SMYD3: variants seen among roughly 807,000 people sequenced by gnomAD.
The protein encoded by SMYD3 is histone-lysine N-methyltransferase SMYD3.
A neutral mutation model predicts 57.7 loss-of-function variants in SMYD3; 36 were observed. That is an observed-to-expected ratio of 0.62 (90% CI 0.48 to 0.82). The LOEUF (loss-of-function observed/expected upper bound fraction) is 0.82. Among genes scored for constraint, SMYD3 ranks in the 40% least tolerant of loss-of-function variants. The pLI, the probability that SMYD3 is intolerant of heterozygous loss-of-function variation, is 0.00. For synonymous variants in SMYD3, 211 were observed against 195.0 expected (o/e 1.08, Z -0.68); for missense variants, 515 against 538.8 (o/e 0.96, Z 0.44).
intron 5 of SMYD3, among the ~76,000 whole-genome samples, chr1:246,022,822 C>T (rs1342086544): frequency 6.6e-6 from 1 of 152,216 alleles, no homozygotes; most frequent in Non-Finnish European, 1.5e-5. Flanking sequence ...AAGGCTTTCA[C>T]TTCGCACTTT....
At chr1:245,914,101 A>G (rs1270843535) in intron 8 of SMYD3, among the ~76,000 whole-genome samples, 1 of 152,216 alleles carries the variant, frequency 6.6e-6, no homozygotes, top group East Asian at 1.9e-4. Flanking sequence ...AAATTTAACC[A>G]AGGAGGTGAA....
chr1:246,299,428 G>A (rs2064854816), intron 5 of SMYD3, among the ~76,000 whole-genome samples: 1 of 152,128 alleles, frequency 6.6e-6, no homozygotes, highest in African/African-American at 2.4e-5. Context: ...GTGGAAAACA[G>A]TGTGGCGATT....
chr1:246,499,423 C>T (rs1031726608), intron 1 of SMYD3, among the ~76,000 whole-genome samples: 7 of 141,086 alleles, frequency 5.0e-5, no homozygotes, highest in African/African-American at 1.0e-4. Flanking sequence ...CACACACACA[C>T]ACATATATAT....
At chr1:245,927,574 G>A (rs977989929) in intron 7 of SMYD3, among the ~76,000 whole-genome samples, 5 of 152,130 alleles carry the variant, frequency 3.3e-5, no homozygotes, top group Admixed American at 1.3e-4. Flanking sequence ...CCCTGCCCAC[G>A]GAAGGATATG....
intron 1 of SMYD3, among the ~76,000 whole-genome samples, chr1:246,413,041 C>G (rs1309973750): frequency 6.6e-6 from 1 of 152,088 alleles, no homozygotes; most frequent in Non-Finnish European, 1.5e-5. Flanking sequence ...GTATAGACAC[C>G]TCCACCCTCA....
In SMYD3 at chr1:246,126,257, A is replaced by C. The variant is rs149357553; in HGVS notation, c.532-196320T>G. On this transcript the variant is annotated intron_variant, in intron 5 of 11. Transcript: ENST00000490107. ...CATTTTCAGTATTTTCAATTGTCAC[A>C]ATGGCATGTGGTAGACTGTAGCCAG... is the stretch of plus-strand genomic sequence containing the variant. 6.1e-3 allele frequency among the ~76,000 whole-genome samples: 934 copies of C among 152,304 alleles called. 9 individuals are homozygous for C. Among genetic ancestry groups the C allele is most frequent in the Non-Finnish European group, 6.6e-3 (452 of 68,028 alleles).
chr1:246,348,077 T>TATATATATATATATATATATAC, intron 2 of SMYD3, among the ~76,000 whole-genome samples: 5,017 of 84,810 alleles, frequency 0.059, 528 homozygotes, highest in Non-Finnish European at 0.079. Context: ...TATATATATA[T>TATATATATATATATATATATAC]ACACACACAC....
At chr1:246,152,461 G>A (rs1196050885) in intron 5 of SMYD3, among the ~76,000 whole-genome samples, 1 of 152,210 alleles carries the variant, frequency 6.6e-6, no homozygotes, top group Non-Finnish European at 1.5e-5. Context: ...TATGTGCCTT[G>A]AAACTAATGC....
At chr1:246,254,258 T>C (rs1042898682) in intron 5 of SMYD3, among the ~76,000 whole-genome samples, 3 of 152,262 alleles carry the variant, frequency 2.0e-5, no homozygotes, top group African/African-American at 7.2e-5. Context: ...TCCTAGCTTC[T>C]TATAGTTTCA....
intron 5 of SMYD3, among the ~76,000 whole-genome samples, chr1:246,260,910 G>A (rs1224205791): frequency 6.6e-6 from 1 of 152,154 alleles, no homozygotes; most frequent in Non-Finnish European, 1.5e-5. Context: ...ACAGCTTGTA[G>A]AGTGACCCAA....
At chr1:246,422,576 C>T (rs1208319843) in intron 1 of SMYD3, among the ~76,000 whole-genome samples, 1 of 152,098 alleles carries the variant, frequency 6.6e-6, no homozygotes, top group Non-Finnish European at 1.5e-5. Context: ...CAGAGCCCAC[C>T]ACGCCCAGCT....
chr1:246,279,615 C>A (rs147205047), intron 5 of SMYD3, among the ~76,000 whole-genome samples: 3 of 152,248 alleles, frequency 2.0e-5, no homozygotes, highest in Non-Finnish European at 4.4e-5. Context: ...GGATGCAAGA[C>A]AAAGGCAGTT....
chr1:246,387,441 C>G (rs1558438455), intron 1 of SMYD3, among the ~76,000 whole-genome samples: 2 of 152,222 alleles, frequency 1.3e-5, no homozygotes, highest in Non-Finnish European at 2.9e-5. Flanking sequence ...AAACCAGATT[C>G]AAAATGCCAG....
intron 1 of SMYD3, among the ~76,000 whole-genome samples, chr1:246,366,512 G>C (rs1421359511): frequency 6.6e-6 from 1 of 151,306 alleles, no homozygotes; most frequent in Non-Finnish European, 1.5e-5. Flanking sequence ...CAGTGAGAGG[G>C]AACAGGAGGT....
At chr1:245,954,388 T>C (rs1050296257) in intron 5 of SMYD3, among the ~76,000 whole-genome samples, 1 of 152,136 alleles carries the variant, frequency 6.6e-6, no homozygotes, top group African/African-American at 2.4e-5. Context: ...AAGAAAGTGG[T>C]AGGCCAGGTG....
chr1:246,310,050 G>C (rs1426810623), intron 5 of SMYD3, among the ~76,000 whole-genome samples: 1 of 151,884 alleles, frequency 6.6e-6, no homozygotes, highest in Non-Finnish European at 1.5e-5. Flanking sequence ...AATATAACCT[G>C]GTATATTATT....
At chr1:246,205,735 G>A (rs751552471) in intron 5 of SMYD3, among the ~76,000 whole-genome samples, 4 of 146,158 alleles carry the variant, frequency 2.7e-5, no homozygotes, top group African/African-American at 1.1e-4. Context: ...CAGGAGAATC[G>A]CTTGAACCCA....
At chr1:246,411,973 A>T (rs1558452188) in intron 1 of SMYD3, among the ~76,000 whole-genome samples, 3 of 86,348 alleles carry the variant, frequency 3.5e-5, no homozygotes, top group Admixed American at 1.3e-4. Context: ...CTTAAAGTAT[A>T]ATAAAAAAAA....
chr1:245,840,280 A>G (rs978398485), intron 10 of SMYD3, among the ~76,000 whole-genome samples: 1 of 152,242 alleles, frequency 6.6e-6, no homozygotes, highest in Non-Finnish European at 1.5e-5. Flanking sequence ...AGCAGAGCAG[A>G]GCCTAAAACC....
Sources: gnomAD v4.1 joint callset for allele counts (sites outside exome capture counted in the v4.1 genomes callset) on GRCh38, gnomAD v4.1.1 for gene constraint, MANE v1.5 for transcripts, NCBI Gene and HGNC (gene_info 2026-07-23, HGNC 2026-07-21) for gene names.